MTUS2: variants seen among roughly 807,000 people sequenced by gnomAD.
The protein encoded by MTUS2 is microtubule associated scaffold protein 2.
A neutral mutation model predicts 114.1 loss-of-function variants in MTUS2; 40 were observed. That is an observed-to-expected ratio of 0.35 (90% CI 0.27 to 0.46). The LOEUF (loss-of-function observed/expected upper bound fraction) is 0.46, where lower values mean the gene tolerates loss of function less well. Ranked by LOEUF, MTUS2 falls within the 20% of genes least tolerant of loss-of-function variation. The probability of loss-of-function intolerance (pLI) is 1.00; values close to 1 mark genes in which losing one functional copy is unlikely to be tolerated. For synonymous variants in MTUS2, 688 were observed against 672.0 expected, an observed-to-expected ratio of 1.02 and a Z score of -0.37; for missense variants, 1,679 against 1,705.4, an observed-to-expected ratio of 0.98 and a Z score of 0.27.
rs566392759 is a variant in MTUS2, at chr13:28,834,329, T to C, written c.-315-5449T>C. ...GCATGGTGCAGGCAAATTATATCCT[T>C]ATAGATCAGTGGTATAAAATTGATC... On this transcript the variant is annotated intron_variant, in intron 1 of 15. Coordinates refer to ENST00000612955, the MANE Select transcript of MTUS2 (RefSeq NM_001033602.4). Among the ~76,000 whole-genome samples the C allele has an allele frequency of 9.2e-5, 14 of 152,296 alleles. 1 individual carries two copies. In the South Asian group the frequency reaches 2.3e-3, roughly 25 times the overall value.
intron 6 of MTUS2, among the ~76,000 whole-genome samples, chr13:29,285,479 A>G (rs1208000655): frequency 6.6e-6 from 1 of 152,232 alleles, no homozygotes; most frequent in Non-Finnish European, 1.5e-5. Flanking sequence ...AGACTTTACG[A>G]ACTGTCCAGA....
intron 5 of MTUS2, among the ~76,000 whole-genome samples, chr13:29,141,555 A>G (rs1011517653): frequency 3.9e-5 from 6 of 152,168 alleles, no homozygotes; most frequent in African/African-American, 1.4e-4. Context: ...CATGACGACA[A>G]GCTTTGGGTG....
chr13:29,093,182 T>C (rs909909612), intron 4 of MTUS2, among the ~76,000 whole-genome samples: 2 of 152,160 alleles, frequency 1.3e-5, no homozygotes, highest in Non-Finnish European at 2.9e-5. Context: ...CTGTAGCTCA[T>C]GCCTGTAATT....
chr13:29,172,035 A>G (rs1893583925), intron 5 of MTUS2, among the ~76,000 whole-genome samples: 1 of 152,182 alleles, frequency 6.6e-6, no homozygotes, highest in African/African-American at 2.4e-5. Flanking sequence ...ATTGGGTTAT[A>G]TTAAGGGGAA....
intron 5 of MTUS2, among the ~76,000 whole-genome samples, chr13:29,189,266 CT>C (rs1894349011): frequency 6.6e-6 from 1 of 152,218 alleles, no homozygotes; most frequent in South Asian, 2.1e-4. Flanking sequence ...CACTTGTGAA[CT>C]TTTAGAAAGT....
chr13:28,962,115 AT>A (rs1883356206), intron 2 of MTUS2, among the ~76,000 whole-genome samples: 1 of 151,670 alleles, frequency 6.6e-6, no homozygotes, highest in Admixed American at 6.6e-5. Flanking sequence ...ATATTTAAAA[AT>A]ATCTGAAAAA....
chr13:29,075,031 G>A (rs1889121959), intron 4 of MTUS2, among the ~76,000 whole-genome samples: 1 of 152,118 alleles, frequency 6.6e-6, no homozygotes, highest in Non-Finnish European at 1.5e-5. Flanking sequence ...CCCAGCCCCT[G>A]GCAACTACTA....
chr13:29,222,594 G>A (rs959027317), intron 5 of MTUS2, among the ~76,000 whole-genome samples: 4 of 151,468 alleles, frequency 2.6e-5, no homozygotes, highest in African/African-American at 9.7e-5. Flanking sequence ...TGGGAGAGGC[G>A]TAGCTGGGGC....
chr13:29,452,574 A>AGGTGTG (rs1878776519), intron 9 of MTUS2, among the ~76,000 whole-genome samples: 1 of 130,260 alleles, frequency 7.7e-6, no homozygotes, highest in African/African-American at 3.1e-5. Flanking sequence ...ATATATATAT[A>AGGTGTG]TGTGTGTGTG....
In MTUS2 at chr13:28,903,244, TTTTC is replaced by T. The variant is rs945629577; in HGVS notation, c.-243+63401_-243+63404del. ...ATAAATAATTTGCAGTTGACAGTTCTTTTCTTTCTTATTTTATTTTATTTTACTA... is the reference window on the plus strand; with the variant it reads ...ATAAATAATTTGCAGTTGACAGTTCTTTTCTTATTTTATTTTATTTTACTA... On this transcript the variant is annotated intron_variant, in intron 2 of 15. Coordinates refer to ENST00000612955, the MANE Select transcript of MTUS2 (RefSeq NM_001033602.4). 3.4e-4 allele frequency among the ~76,000 whole-genome samples: 52 copies of T among 152,118 alleles called. 1 individual carries two copies. The highest frequency in any genetic ancestry group is 1.2e-3 in the Admixed American group (18 of 15,282).
intron 5 of MTUS2, among the ~76,000 whole-genome samples, chr13:29,277,251 G>A (rs775170662): frequency 3.3e-5 from 5 of 152,026 alleles, no homozygotes; most frequent in Non-Finnish European, 5.9e-5. Flanking sequence ...ATCATGTAAC[G>A]TGGTCCTAGG....
intron 5 of MTUS2, among the ~76,000 whole-genome samples, chr13:29,241,672 G>C (rs1896740034): frequency 6.6e-6 from 1 of 152,036 alleles, no homozygotes; most frequent in Non-Finnish European, 1.5e-5. Flanking sequence ...GTTCATCAAG[G>C]GTTTCTTGGA....
chr13:29,445,650 T>C (rs2138709279), intron 9 of MTUS2, among the ~76,000 whole-genome samples: 1 of 152,244 alleles, frequency 6.6e-6, no homozygotes, highest in Admixed American at 6.5e-5. Flanking sequence ...CTCATGCTTA[T>C]AATCCCAGCA....
intron 9 of MTUS2, among the ~76,000 whole-genome samples, chr13:29,442,885 T>C (rs1360593616): frequency 6.6e-6 from 1 of 151,912 alleles, no homozygotes; most frequent in Admixed American, 6.5e-5. Flanking sequence ...TTACCCCCTG[T>C]AATTTATAGC....
intron 3 of MTUS2, 103 bp from the exon 4 acceptor site, chr13:29,033,782 G>C: frequency 7.1e-7 from 1 of 1,400,532 alleles, no homozygotes; most frequent in Non-Finnish European, 9.8e-7. Context: ...GCAGCTAAGT[G>C]GTACCAGAGT....
intron 2 of MTUS2, among the ~76,000 whole-genome samples, chr13:28,926,434 C>T (rs1315412989): frequency 1.3e-5 from 2 of 151,486 alleles, no homozygotes; most frequent in Admixed American, 6.6e-5. Context: ...ATTAAAATGA[C>T]AGCTGTGTCT....
At chr13:29,236,769 T>C (rs1262620061) in intron 5 of MTUS2, among the ~76,000 whole-genome samples, 2 of 152,242 alleles carry the variant, frequency 1.3e-5, no homozygotes, top group Non-Finnish European at 2.9e-5. Context: ...CCTTCTTCCA[T>C]GCAGGAACAG....
chr13:28,962,316 G>A (rs932599248), intron 2 of MTUS2, among the ~76,000 whole-genome samples: 5 of 151,808 alleles, frequency 3.3e-5, no homozygotes, highest in African/African-American at 1.2e-4. Flanking sequence ...ACTGTTCCTG[G>A]CCCCAACTCC....
intron 5 of MTUS2, among the ~76,000 whole-genome samples, chr13:29,197,365 C>T (rs1027465014): frequency 2.0e-5 from 3 of 152,100 alleles, no homozygotes; most frequent in African/African-American, 4.8e-5. Context: ...ATGATGGTTT[C>T]CAGCTTCATC....
Sources: gnomAD v4.1 joint callset for allele counts (sites outside exome capture counted in the v4.1 genomes callset) on GRCh38, gnomAD v4.1.1 for gene constraint, MANE v1.5 for transcripts, NCBI Gene and HGNC (gene_info 2026-07-23, HGNC 2026-07-21) for gene names.